Variants in ANGPT1 observed in about 807,000 individuals in gnomAD.
ANGPT1 encodes the protein angiopoietin 1, also known as angiopoietin-1.
In ANGPT1, 17 loss-of-function variants were observed where a neutral mutation model predicts 62.2. The observed-to-expected ratio is 0.27, with a 90% CI of 0.19 to 0.41. The LOEUF is 0.41. Among genes scored for constraint, ANGPT1 ranks in the 10% least tolerant of loss-of-function variants. The pLI is 1.00. For synonymous variants in ANGPT1, 199 were observed against 198.9 expected (o/e 1.00, Z 0.00); for missense variants, 478 against 594.9 (o/e 0.80, Z 2.04).
intron 4 of ANGPT1, among the ~76,000 whole-genome samples, chr8:107,308,989 C>T (rs773652830): frequency 3.9e-5 from 6 of 152,120 alleles, no homozygotes; most frequent in Non-Finnish European, 5.9e-5. Context: ...AGGGTCACTT[C>T]AATTCAGATG....
rs71308720 is a variant in ANGPT1, at chr8:107,313,429, G to GTTTTTTTTTT, written c.808+8457_808+8466dup. Among the ~76,000 whole-genome samples, 22 of 64,200 alleles carry GTTTTTTTTTT rather than the reference G, an allele frequency of 3.4e-4. 4 individuals are homozygous for GTTTTTTTTTT. The highest frequency in any genetic ancestry group is 8.0e-4 in the Admixed American group (3 of 3,746). The allele number at this position is 64,200 out of a possible 152,430, so 42.1% of individuals were successfully genotyped here. ...TAGGAAGCTAAAAATGTTACTAGTT[G>GTTTTTTTTTT]TTTTTTTTTTTTTTTTTTTTTTTTT... On this transcript the variant is annotated intron_variant, in intron 4 of 8. Coordinates refer to ENST00000517746, the MANE Select transcript of ANGPT1 (RefSeq NM_001146.5).
chr8:107,270,044 A>G (rs925502075), intron 7 of ANGPT1, among the ~76,000 whole-genome samples: 1 of 152,186 alleles, frequency 6.6e-6, no homozygotes, highest in East Asian at 1.9e-4. Flanking sequence ...AGTGAGTTCT[A>G]TTATGGAAGA....
At chr8:107,387,142 G>A (rs1816747091) in intron 1 of ANGPT1, among the ~76,000 whole-genome samples, 1 of 152,188 alleles carries the variant, frequency 6.6e-6, no homozygotes, top group Non-Finnish European at 1.5e-5. Context: ...GTCGGGAAAG[G>A]CTCCACAGAA....
At chr8:107,408,151 G>A (rs1304003483) in intron 1 of ANGPT1, among the ~76,000 whole-genome samples, 4 of 152,174 alleles carry the variant, frequency 2.6e-5, no homozygotes, top group Admixed American at 2.6e-4. Flanking sequence ...GGTTTATCCA[G>A]CATTAGTAAC....
chr8:107,389,672 T>C (rs1372569500), intron 1 of ANGPT1, among the ~76,000 whole-genome samples: 3 of 152,152 alleles, frequency 2.0e-5, no homozygotes, highest in Non-Finnish European at 2.9e-5. Flanking sequence ...AAAACAATTA[T>C]ATACTGCCAA....
chr8:107,419,426 G>T (rs534771967), intron 1 of ANGPT1, among the ~76,000 whole-genome samples: 2 of 152,232 alleles, frequency 1.3e-5, no homozygotes, highest in South Asian at 4.2e-4. Context: ...AACAGGTTTT[G>T]CTAGGTCCCC....
chr8:107,324,107 T>C (rs1480790563), intron 3 of ANGPT1, among the ~76,000 whole-genome samples: 1 of 150,782 alleles, frequency 6.6e-6, no homozygotes, highest in Non-Finnish European at 1.5e-5. Flanking sequence ...AAGTGGTTGT[T>C]ACGAGTTCAA....
intron 7 of ANGPT1, among the ~76,000 whole-genome samples, chr8:107,275,957 T>C (rs1813855594): frequency 6.6e-6 from 1 of 152,074 alleles, no homozygotes; most frequent in Non-Finnish European, 1.5e-5. Context: ...TTTGTTTTCA[T>C]CAGCTTGAAA....
At chr8:107,370,219 G>T (rs937662956) in intron 1 of ANGPT1, among the ~76,000 whole-genome samples, 3 of 127,930 alleles carry the variant, frequency 2.3e-5, no homozygotes, top group Admixed American at 8.5e-5. Flanking sequence ...AAGAAAGAAA[G>T]GAGAAAGGAA....
At chr8:107,400,333 G>C (rs1216309825) in intron 1 of ANGPT1, among the ~76,000 whole-genome samples, 1 of 152,152 alleles carries the variant, frequency 6.6e-6, no homozygotes, top group Non-Finnish European at 1.5e-5. Context: ...GTTTAGTTCA[G>C]TTTATTCCCT....
chr8:107,417,569 G>C (rs1810787003), intron 1 of ANGPT1, among the ~76,000 whole-genome samples: 1 of 151,910 alleles, frequency 6.6e-6, no homozygotes, highest in Non-Finnish European at 1.5e-5. Context: ...TCATTCCTGG[G>C]AATAATTTAG....
intron 3 of ANGPT1, among the ~76,000 whole-genome samples, 180 bp from the exon 4 acceptor site, chr8:107,322,308 T>A (rs780663952): frequency 2.6e-4 from 38 of 146,070 alleles, no homozygotes; most frequent in Non-Finnish European, 4.5e-4. Flanking sequence ...ACATATAACA[T>A]GTCAAATAAA....
intron 5 of ANGPT1, chr8:107,295,218 C>T (rs1275137467): frequency 1.3e-5 from 2 of 152,110 alleles, no homozygotes; most frequent in Non-Finnish European, 2.9e-5. Context: ...CCAAGGCTCT[C>T]GCCCTACTTT....
chr8:107,427,802 T>C (rs1011459680), intron 1 of ANGPT1, among the ~76,000 whole-genome samples: 1 of 118,538 alleles, frequency 8.4e-6, no homozygotes, highest in African/African-American at 2.7e-5. Flanking sequence ...AATTTGATCT[T>C]CTCTCAATAG....
intron 1 of ANGPT1, among the ~76,000 whole-genome samples, chr8:107,402,499 G>A (rs1817066253): frequency 6.6e-6 from 1 of 152,178 alleles, no homozygotes; most frequent in African/African-American, 2.4e-5. Context: ...AGGGTACACA[G>A]AGGAAGAAAG....
chr8:107,395,790 A>G (rs1816922739), intron 1 of ANGPT1, among the ~76,000 whole-genome samples: 1 of 152,198 alleles, frequency 6.6e-6, no homozygotes, highest in Non-Finnish European at 1.5e-5. Context: ...TAAAATCATT[A>G]GTTCTCAGGA....
intron 1 of ANGPT1, among the ~76,000 whole-genome samples, chr8:107,440,481 T>G (rs1447032431): frequency 6.6e-6 from 1 of 152,178 alleles, no homozygotes; most frequent in African/African-American, 2.4e-5. Context: ...ATTCATTCAG[T>G]AAATACAAAT....
chr8:107,367,971 G>A (rs1816310216), intron 1 of ANGPT1, among the ~76,000 whole-genome samples: 1 of 152,094 alleles, frequency 6.6e-6, no homozygotes, highest in South Asian at 2.1e-4. Flanking sequence ...GTGTTAATTT[G>A]GATATTTTGA....
At chr8:107,414,907 CTT>C (rs1810696513) in intron 1 of ANGPT1, among the ~76,000 whole-genome samples, 2 of 152,284 alleles carry the variant, frequency 1.3e-5, no homozygotes, top group African/African-American at 4.8e-5. Flanking sequence ...AGCTGCCACT[CTT>C]TGAATTTTGT....
Sources: gnomAD v4.1 joint callset for allele counts (sites outside exome capture counted in the v4.1 genomes callset) on GRCh38, gnomAD v4.1.1 for gene constraint, MANE v1.5 for transcripts, NCBI Gene and HGNC (gene_info 2026-07-23, HGNC 2026-07-21) for gene names.